The following PACRG variants were observed in gnomAD, a reference collection of about 807,000 sequenced individuals.
PACRG encodes parkin coregulated.
PACRG carries 29 observed loss-of-function variants against 29.7 expected under a neutral mutation model. The observed-to-expected ratio is 0.98, with a 90% CI of 0.73 to 1.33. PACRG has a LOEUF of 1.33. Ranked by LOEUF, PACRG falls within the 40% of genes most tolerant of loss-of-function variation. PACRG has a pLI of 0.00. For synonymous variants in PACRG, 116 were observed against 118.7 expected (o/e 0.98, Z 0.15); for missense variants, 279 against 316.2 (o/e 0.88, Z 0.89).
chr6:163,195,276 T>G (rs538771077), intron 4 of PACRG, among the ~76,000 whole-genome samples: 15 of 152,222 alleles, frequency 9.9e-5, no homozygotes, highest in Non-Finnish European at 2.1e-4. Flanking sequence ...GCTAATTGTT[T>G]ATTTCATTTA....
chr6:162,953,597 CAT>C (rs1308813932), intron 2 of PACRG, among the ~76,000 whole-genome samples: 2 of 152,022 alleles, frequency 1.3e-5, no homozygotes, highest in African/African-American at 2.4e-5. Flanking sequence ...ATCAAGCTAA[CAT>C]ATGAGATAGC....
At chr6:162,823,972 G>C (rs1477549459) in intron 2 of PACRG, among the ~76,000 whole-genome samples, 1 of 152,134 alleles carries the variant, frequency 6.6e-6, no homozygotes, top group Non-Finnish European at 1.5e-5. Flanking sequence ...TGGCCTAAAA[G>C]GGGACTTTGT....
intron 4 of PACRG, among the ~76,000 whole-genome samples, chr6:163,204,741 G>A (rs559937689): frequency 4.9e-4 from 74 of 152,184 alleles, no homozygotes; most frequent in Admixed American, 1.5e-3. Flanking sequence ...CAGGGCAATC[G>A]GGCATGAGAA....
At chr6:162,747,331 T>C (rs1409018797) in intron 1 of PACRG, among the ~76,000 whole-genome samples, 1 of 45,740 alleles carries the variant, frequency 2.2e-5, no homozygotes, top group Admixed American at 2.8e-4. Flanking sequence ...TGCTCATATA[T>C]ATATATATAT....
intron 4 of PACRG, among the ~76,000 whole-genome samples, chr6:163,274,193 C>A (rs373903514): frequency 3.3e-5 from 5 of 152,160 alleles, no homozygotes; most frequent in African/African-American, 7.2e-5. Flanking sequence ...CCTCCACCCC[C>A]CAACAGGCCC....
At chr6:162,877,728 G>A (rs1233648152) in intron 2 of PACRG, among the ~76,000 whole-genome samples, 1 of 152,152 alleles carries the variant, frequency 6.6e-6, no homozygotes, top group Admixed American at 6.5e-5. Flanking sequence ...TGATAGAAAT[G>A]TTTTAGGGAA....
At chr6:163,298,714 C>G (rs533037366) in intron 4 of PACRG, among the ~76,000 whole-genome samples, 1 of 152,304 alleles carries the variant, frequency 6.6e-6, no homozygotes, top group South Asian at 2.1e-4. Context: ...ACAGCCATGA[C>G]AAATGATAAT....
At chr6:163,089,923 C>T (rs1003621492) in intron 4 of PACRG, among the ~76,000 whole-genome samples, 2 of 152,088 alleles carry the variant, frequency 1.3e-5, no homozygotes, top group Admixed American at 6.6e-5. Context: ...CTCTATTTTA[C>T]CCTAACAAAG....
intron 4 of PACRG, among the ~76,000 whole-genome samples, chr6:163,123,729 T>C (rs769090795): frequency 1.3e-5 from 2 of 152,248 alleles, no homozygotes; most frequent in Non-Finnish European, 2.9e-5. Flanking sequence ...TTTTAGATGC[T>C]CCATATAAGA....
At chr6:163,096,411 A>G (rs1814592365) in intron 4 of PACRG, among the ~76,000 whole-genome samples, 2 of 152,216 alleles carry the variant, frequency 1.3e-5, no homozygotes, top group Admixed American at 6.5e-5. Flanking sequence ...GTGGACAAGC[A>G]GGGGAAGATG....
intron 2 of PACRG, among the ~76,000 whole-genome samples, chr6:162,900,134 G>A (rs1003241318): frequency 6.6e-6 from 1 of 151,932 alleles, no homozygotes; most frequent in African/African-American, 2.4e-5. Flanking sequence ...CCGGAACATC[G>A]TAATGCACCC....
chr6:163,295,958 G>T (rs1241194332), intron 4 of PACRG, among the ~76,000 whole-genome samples: 1 of 152,166 alleles, frequency 6.6e-6, no homozygotes, highest in Non-Finnish European at 1.5e-5. Context: ...GCCCTGAGTA[G>T]CCCTGGCCTT....
At chr6:163,291,196 T>A (rs1438529530) in intron 4 of PACRG, among the ~76,000 whole-genome samples, 1 of 141,786 alleles carries the variant, frequency 7.1e-6, no homozygotes, top group African/African-American at 2.7e-5. Context: ...CGAGCTGGCC[T>A]GCGGGTCACC....
intron 4 of PACRG, among the ~76,000 whole-genome samples, chr6:163,288,159 C>T (rs1784462036): frequency 6.6e-6 from 1 of 152,222 alleles, no homozygotes; most frequent in African/African-American, 2.4e-5. Context: ...AATTTCGTCT[C>T]ATGCGCTTGA....
At chr6:163,049,322 A>G (rs998227401) in intron 2 of PACRG, among the ~76,000 whole-genome samples, 2 of 152,120 alleles carry the variant, frequency 1.3e-5, no homozygotes, top group South Asian at 2.1e-4. Flanking sequence ...CTTACCTTAC[A>G]TTTTATACCA....
At chr6:162,765,167 C>A (rs544505726) in intron 1 of PACRG, among the ~76,000 whole-genome samples, 2 of 152,068 alleles carry the variant, frequency 1.3e-5, no homozygotes, top group South Asian at 4.1e-4. Flanking sequence ...ATCTACTTAC[C>A]TACCTACCTG....
chr6:163,129,585 C>T (rs530444788), intron 4 of PACRG, among the ~76,000 whole-genome samples: 2 of 152,210 alleles, frequency 1.3e-5, no homozygotes, highest in Non-Finnish European at 2.9e-5. Context: ...TGACACAGTA[C>T]TCTGTGTCCA....
intron 1 of PACRG, among the ~76,000 whole-genome samples, chr6:162,785,387 A>G (rs1784389638): frequency 6.6e-6 from 1 of 152,192 alleles, no homozygotes; most frequent in Admixed American, 6.5e-5. Flanking sequence ...GCCTTCCCTT[A>G]ATTTCCTATA....
chr6:162,947,438 AAAT>A, intron 2 of PACRG, among the ~76,000 whole-genome samples: 2 of 58,652 alleles, frequency 3.4e-5, no homozygotes, highest in African/African-American at 1.1e-4. Context: ...CATATATATA[AAAT>A]ATATATAATC....
Sources: allele counts gnomAD v4.1 joint callset (sites outside exome capture counted in the v4.1 genomes callset), GRCh38; gene constraint gnomAD v4.1.1; transcripts MANE v1.5; gene names NCBI Gene and HGNC (gene_info 2026-07-23, HGNC 2026-07-21).